Variants in METTL15 observed in about 807,000 individuals in gnomAD.
The protein encoded by METTL15 is methyltransferase 15, mitochondrial 12S rRNA N4-cytidine, also known as 12S rRNA N(4)-cytidine methyltransferase METTL15.
A neutral mutation model predicts 38.3 loss-of-function variants in METTL15; 34 were observed. The observed-to-expected ratio is 0.89, with a 90% CI of 0.68 to 1.18. The LOEUF (loss-of-function observed/expected upper bound fraction) is 1.18. Ranked by LOEUF, METTL15 falls within the 50% of genes most tolerant of loss-of-function variation. The probability of loss-of-function intolerance (pLI) is 0.00; values close to 1 mark genes in which losing one functional copy is unlikely to be tolerated. For synonymous variants in METTL15, 162 were observed against 170.9 expected, an observed-to-expected ratio of 0.95 and a Z score of 0.41; for missense variants, 438 against 498.4, an observed-to-expected ratio of 0.88 and a Z score of 1.15.
chr11:28,248,946 T>G (rs1350129759), intron 4 of METTL15, among the ~76,000 whole-genome samples: 1 of 152,032 alleles, frequency 6.6e-6, no homozygotes, highest in Non-Finnish European at 1.5e-5. Flanking sequence ...CTGCTCTGTC[T>G]TCACCCTTTC....
At chr11:28,405,668 C>T (rs762580045) in intron 5 of METTL15, among the ~76,000 whole-genome samples, 7 of 152,036 alleles carry the variant, frequency 4.6e-5, no homozygotes, top group Non-Finnish European at 1.0e-4. Context: ...ATCACTATAC[C>T]TCAGAACACT....
intron 4 of METTL15, among the ~76,000 whole-genome samples, chr11:28,216,721 C>T (rs896311780): frequency 3.7e-4 from 43 of 116,308 alleles, no homozygotes; most frequent in African/African-American, 1.3e-3. Context: ...CTCCCCCCAC[C>T]CCACAACAGG....
At chr11:28,504,530 A>T (rs562306063) in intron 6 of METTL15, among the ~76,000 whole-genome samples, 2 of 152,206 alleles carry the variant, frequency 1.3e-5, no homozygotes, top group Admixed American at 6.5e-5. Context: ...TTTTTAAAAA[A>T]ATATATGGGC....
intron 6 of METTL15, among the ~76,000 whole-genome samples, chr11:28,310,911 C>CTGCTGCTGCTGGTGG: frequency 1.2e-5 from 1 of 84,874 alleles, no homozygotes; most frequent in Non-Finnish European, 2.5e-5. Flanking sequence ...GCTGCTGCTG[C>CTGCTGCTGCTGGTGG]TGCTGGTGGT....
chr11:28,492,595 A>C (rs910879823), intron 6 of METTL15, among the ~76,000 whole-genome samples: 2 of 152,036 alleles, frequency 1.3e-5, no homozygotes, highest in African/African-American at 4.8e-5. Flanking sequence ...GTCATGAGCA[A>C]TTCGTGATTC....
intron 6 of METTL15, among the ~76,000 whole-genome samples, chr11:28,496,976 A>G (rs1350269777): frequency 6.6e-6 from 1 of 152,220 alleles, no homozygotes; most frequent in Non-Finnish European, 1.5e-5. Context: ...CAGGCACCGC[A>G]TTCAGGTTTG....
intron 3 of METTL15, among the ~76,000 whole-genome samples, chr11:28,339,435 G>A (rs1849930412): frequency 6.6e-6 from 1 of 151,514 alleles, no homozygotes; most frequent in Admixed American, 6.6e-5. Context: ...TCCATGGATT[G>A]GTTTAAGAGC....
Position 28,393,554 on chromosome 11 carries a change from G to A in METTL15, c.*359-30745G>A, listed in dbSNP as rs575216554. Among the ~76,000 whole-genome samples, 11 of 152,056 alleles carry A rather than the reference G, an allele frequency of 7.2e-5. 1 individual carries two copies. Among genetic ancestry groups the A allele is most frequent in the African/African-American group, 9.7e-5 (4 of 41,426 alleles). ...TAGCTTCAAAATGATAAAATGACCC[G>A]TGGCTGGCAAACGGGGGCTGGCTGT... On this transcript the variant is annotated intron_variant and NMD_transcript_variant, in intron 5 of 7. Coordinates refer to the METTL15 transcript ENST00000532947.
rs752064041 is a variant in METTL15 at position 28,136,153 on chromosome 11, G to T, written c.270+22549G>T. Among the ~76,000 whole-genome samples, 5 of 152,246 alleles carry T rather than the reference G, an allele frequency of 3.3e-5. No homozygotes were observed. The South Asian group carries it at 8.3e-4, about 25-fold the overall frequency. Reference sequence around the variant, plus strand: ...AGGGTAGTTACCTCAAAAACACTATGGACAAAGAAATTTGTTTATTTCTGT... The same window carrying T: ...AGGGTAGTTACCTCAAAAACACTATTGACAAAGAAATTTGTTTATTTCTGT... On this transcript the variant is annotated intron_variant, in intron 3 of 6. Coordinates refer to ENST00000407364, the MANE Select transcript of METTL15 (RefSeq NM_001113528.2).
chr11:28,291,712 G>GA (rs2133991323), intron 5 of METTL15, among the ~76,000 whole-genome samples: 1 of 152,234 alleles, frequency 6.6e-6, no homozygotes, highest in South Asian at 2.1e-4. Flanking sequence ...TAGTAAAGGT[G>GA]AAATACAGTC....
At chr11:28,255,339 A>G (rs918080906) in intron 4 of METTL15, among the ~76,000 whole-genome samples, 1 of 152,184 alleles carries the variant, frequency 6.6e-6, no homozygotes, top group Non-Finnish European at 1.5e-5. Context: ...CAGTACTAAT[A>G]GTTTTGTTGG....
chr11:28,207,068 ACTT>A (rs1232217451), intron 3 of METTL15, among the ~76,000 whole-genome samples: 3 of 142,952 alleles, frequency 2.1e-5, no homozygotes, highest in Non-Finnish European at 3.0e-5. Flanking sequence ...GGACAATTTG[ACTT>A]CTTCTTTTCC....
intron 3 of METTL15, among the ~76,000 whole-genome samples, chr11:28,198,133 T>C (rs1851977388): frequency 1.3e-5 from 2 of 152,184 alleles, no homozygotes; most frequent in South Asian, 4.1e-4. Context: ...ATAATGTAGA[T>C]AAAAACTATT....
At chr11:28,150,844 A>G (rs1282321388) in intron 3 of METTL15, among the ~76,000 whole-genome samples, 1 of 151,734 alleles carries the variant, frequency 6.6e-6, no homozygotes, top group African/African-American at 2.4e-5. Context: ...GTAATGATGA[A>G]CCTGAAACTG....
At chr11:28,389,987 G>C (rs549212928) in intron 5 of METTL15, among the ~76,000 whole-genome samples, 2 of 152,242 alleles carry the variant, frequency 1.3e-5, no homozygotes, top group African/African-American at 4.8e-5. Flanking sequence ...GGCCAGTGAT[G>C]ACGAGCATTT....
At chr11:28,152,281 G>A (rs1213842850) in intron 3 of METTL15, among the ~76,000 whole-genome samples, 2 of 151,676 alleles carry the variant, frequency 1.3e-5, no homozygotes, top group Non-Finnish European at 2.9e-5. Context: ...AACCTCATAA[G>A]CACTAGGCCT....
chr11:28,127,737 A>G (rs1852557067), intron 3 of METTL15, among the ~76,000 whole-genome samples: 1 of 152,122 alleles, frequency 6.6e-6, no homozygotes, highest in South Asian at 2.1e-4. Flanking sequence ...AGAACCAATT[A>G]ATACTGTTAT....
At chr11:28,342,349 A>G (rs1043034554) in intron 3 of METTL15, among the ~76,000 whole-genome samples, 1 of 151,802 alleles carries the variant, frequency 6.6e-6, no homozygotes, top group Non-Finnish European at 1.5e-5. Context: ...CTCAGCCTTA[A>G]CCTCCCAGGT....
intron 6 of METTL15, among the ~76,000 whole-genome samples, chr11:28,455,202 A>G (rs1851157295): frequency 6.9e-6 from 1 of 145,444 alleles, no homozygotes; most frequent in South Asian, 2.2e-4. Context: ...TCAATAACAC[A>G]TGGGATCAGC....
Sources: gnomAD v4.1 joint callset for allele counts (sites outside exome capture counted in the v4.1 genomes callset) on GRCh38, gnomAD v4.1.1 for gene constraint, MANE v1.5 for transcripts, NCBI Gene and HGNC (gene_info 2026-07-23, HGNC 2026-07-21) for gene names.